Variants in TGFBR3 observed in about 807,000 individuals in gnomAD.
TGFBR3 encodes transforming growth factor beta receptor 3, also known as transforming growth factor beta receptor type 3.
In TGFBR3, 46 loss-of-function variants were observed where a neutral mutation model predicts 87.9. That is an observed-to-expected ratio of 0.52 (90% CI 0.41 to 0.67). The LOEUF is 0.67. Ranked by LOEUF, TGFBR3 falls within the 30% of genes least tolerant of loss-of-function variation. The pLI, the probability that TGFBR3 is intolerant of heterozygous loss-of-function variation, is 0.00. For synonymous variants in TGFBR3, 381 were observed against 391.6 expected (o/e 0.97, Z 0.32); for missense variants, 866 against 1,041.9 (o/e 0.83, Z 2.32).
chr1:91,860,393 C>T (rs189200307), intron 2 of TGFBR3, among the ~76,000 whole-genome samples: 27 of 152,290 alleles, frequency 1.8e-4, no homozygotes, highest in African/African-American at 6.5e-4. Flanking sequence ...CGAGTCAATG[C>T]TTTTCTTGCT....
chr1:91,809,966 G>A (rs1415201735), intron 2 of TGFBR3, among the ~76,000 whole-genome samples: 1 of 152,202 alleles, frequency 6.6e-6, no homozygotes, highest in Non-Finnish European at 1.5e-5. Context: ...CCATCAAGCA[G>A]TGCCATCAAC....
chr1:91,718,019 C>T (rs997421980), intron 10 of TGFBR3, among the ~76,000 whole-genome samples: 6 of 151,608 alleles, frequency 4.0e-5, no homozygotes, highest in Non-Finnish European at 8.8e-5. Flanking sequence ...GATAACTGAA[C>T]GAAAATTCAT....
intron 4 of TGFBR3, among the ~76,000 whole-genome samples, chr1:91,751,304 T>C (rs143081686): frequency 0.019 from 2,821 of 152,316 alleles, 42 homozygotes; most frequent in Middle Eastern, 0.051. Flanking sequence ...CAAACTTGAA[T>C]GTCTGAGTTA....
At chr1:91,731,664 A>G (rs917803894) in intron 5 of TGFBR3, among the ~76,000 whole-genome samples, 2 of 152,218 alleles carry the variant, frequency 1.3e-5, no homozygotes, top group Non-Finnish European at 2.9e-5. Context: ...GGCCAGGGAC[A>G]GGACAGTCTG....
At chr1:91,742,312 T>G (rs781170737) in intron 4 of TGFBR3, among the ~76,000 whole-genome samples, 26 of 152,206 alleles carry the variant, frequency 1.7e-4, no homozygotes, top group Non-Finnish European at 3.5e-4. Flanking sequence ...GAAAAAACCT[T>G]GTTCATTCTG....
At chr1:91,694,830 C>A (rs908731637) in intron 16 of TGFBR3, among the ~76,000 whole-genome samples, 2 of 152,134 alleles carry the variant, frequency 1.3e-5, no homozygotes, top group South Asian at 2.1e-4. Context: ...AGAACAAGAC[C>A]GATTTTATAC....
intron 2 of TGFBR3, among the ~76,000 whole-genome samples, chr1:91,822,316 A>T (rs1446966404): frequency 6.6e-6 from 1 of 150,764 alleles, no homozygotes; most frequent in Non-Finnish European, 1.5e-5. Flanking sequence ...AAAAAAAAAA[A>T]AAAAAAAGAT....
At chr1:91,872,333 C>T (rs1678612686) in intron 1 of TGFBR3, among the ~76,000 whole-genome samples, 1 of 152,142 alleles carries the variant, frequency 6.6e-6, no homozygotes. Context: ...AAGATGGGGT[C>T]CTGCCAATCC....
At chr1:91,694,365 T>C (rs1044857263) in intron 16 of TGFBR3, among the ~76,000 whole-genome samples, 5 of 152,234 alleles carry the variant, frequency 3.3e-5, no homozygotes, top group African/African-American at 1.2e-4. Flanking sequence ...TCTATTCAAG[T>C]CTTCTACATT....
chr1:91,808,071 C>T (rs1675900176), intron 2 of TGFBR3, among the ~76,000 whole-genome samples: 1 of 152,152 alleles, frequency 6.6e-6, no homozygotes, highest in Admixed American at 6.5e-5. Context: ...TGTTCTTATA[C>T]TACTCCCTAG....
In TGFBR3 at chr1:91,702,421, C is replaced by T. The variant is rs185651126; in HGVS notation, c.2288-4291G>A. On this transcript the variant is annotated intron_variant, in intron 14 of 16. Transcript: ENST00000212355. ...CAGCACTTTGGGAGGCCGAGACGGG[C>T]GGATCACAAGGTCAGGAGATCAAGA... 7.9e-3 allele frequency among the ~76,000 whole-genome samples: 1,204 copies of T among 151,802 alleles called. 6 individuals carry two copies. The highest frequency in any genetic ancestry group is 0.012 in the Non-Finnish European group (809 of 67,920).
In TGFBR3 at chr1:91,797,438, G is replaced by A. The variant is rs1675434855; in HGVS notation, c.95C>T (p.Pro32Leu). ...CTGGACAGGATGGGAGGCACTGACA[G>A]GTGACAGTTCACACAGTGCACCAGG... ...PEPGALCELS[P>L]VSASHPVQAL... Residue 32 changes from proline to leucine, a missense_variant, in exon 3 of 17, where the codon CCT becomes CTT. Pro to Leu is a moderately conservative substitution (Grantham distance 98, BLOSUM62 -3). Coordinates refer to ENST00000212355, the MANE Select transcript of TGFBR3 (RefSeq NM_003243.5). 6.2e-7 allele frequency: 1 copy of A among 1,614,246 alleles called. No homozygotes were observed. The highest frequency in any genetic ancestry group is 1.3e-5 in the African/African-American group (1 of 75,074).
intron 14 of TGFBR3, among the ~76,000 whole-genome samples, chr1:91,705,437 G>T (rs1021873827): frequency 1.3e-5 from 2 of 151,706 alleles, no homozygotes; most frequent in East Asian, 3.9e-4. Flanking sequence ...CACCATGTTG[G>T]CCAGGCTGGT....
chr1:91,800,461 G>A (rs1675577776), intron 2 of TGFBR3, among the ~76,000 whole-genome samples: 1 of 150,670 alleles, frequency 6.6e-6, no homozygotes, highest in South Asian at 2.1e-4. Flanking sequence ...AGTAAGCCGT[G>A]ATCACACTAT....
intron 4 of TGFBR3, among the ~76,000 whole-genome samples, chr1:91,743,833 G>T (rs1043808675): frequency 6.6e-6 from 1 of 152,344 alleles, no homozygotes; most frequent in Non-Finnish European, 1.5e-5. Flanking sequence ...GTCTGCCAGG[G>T]GGTTAGCGAA....
chr1:91,738,964 G>T (rs1368557545), intron 4 of TGFBR3, among the ~76,000 whole-genome samples: 2 of 152,136 alleles, frequency 1.3e-5, no homozygotes, highest in Non-Finnish European at 2.9e-5. Context: ...CAAACATCAG[G>T]GCAAGGAGCA....
intron 3 of TGFBR3, among the ~76,000 whole-genome samples, chr1:91,781,378 C>G (rs1328426087): frequency 6.6e-6 from 1 of 152,156 alleles, no homozygotes; most frequent in East Asian, 1.9e-4. Flanking sequence ...AAAAACTGAG[C>G]TAACTGTTCC....
intron 14 of TGFBR3, among the ~76,000 whole-genome samples, chr1:91,699,807 C>T (rs1042866460): frequency 1.1e-4 from 16 of 152,140 alleles, no homozygotes; most frequent in African/African-American, 3.9e-4. Context: ...GACTGGTGAG[C>T]GTAGCTCTGT....
intron 14 of TGFBR3, among the ~76,000 whole-genome samples, chr1:91,704,426 T>TA (rs1460039071): frequency 6.6e-6 from 1 of 151,650 alleles, no homozygotes; most frequent in Non-Finnish European, 1.5e-5. Flanking sequence ...TAGTTTTCAG[T>TA]AAAAACTAGA....
Sources: allele counts gnomAD v4.1 joint callset (sites outside exome capture counted in the v4.1 genomes callset), GRCh38; gene constraint gnomAD v4.1.1; transcripts MANE v1.5; gene names NCBI Gene and HGNC (gene_info 2026-07-23, HGNC 2026-07-21).